The following MYCBP2 variants were observed in gnomAD, a reference collection of about 807,000 sequenced individuals.
MYCBP2 encodes the protein MYC binding protein 2.
Under a neutral mutation model 525.3 loss-of-function variants are expected in MYCBP2, and 120 were observed. The ratio of observed to expected loss-of-function variants is 0.23; its 90% CI spans 0.20 to 0.27. The LOEUF (loss-of-function observed/expected upper bound fraction) is 0.27. Among genes scored for constraint, MYCBP2 ranks in the 10% least tolerant of loss-of-function variants. The pLI is 1.00. For synonymous variants in MYCBP2, 1,894 were observed against 1,955.8 expected (o/e 0.97, Z 0.83); for missense variants, 4,149 against 5,657.1 (o/e 0.73, Z 8.55).
At chr13:77,190,195 T>C in intron 29 of MYCBP2, 57 bp downstream of exon 29, 4 of 1,145,396 alleles carry the variant, frequency 3.5e-6, no homozygotes, top group African/African-American at 1.5e-5. Flanking sequence ...GTAATGATTC[T>C]ACTTCATTAT....
In MYCBP2 at chr13:77,098,794, G is replaced by A; in HGVS notation, c.8360C>T (p.Ser2787Leu). The A allele has an allele frequency of 6.2e-7, 1 of 1,613,580 alleles. No individual in the cohort carries two copies. Among genetic ancestry groups the A allele is most frequent in the Admixed American group, 1.7e-5 (1 of 59,932 alleles). The change falls in exon 56 of 83, where the codon TCA (serine) becomes TTA (leucine). Residue 2787 changes from serine (S) to leucine (L), a missense_variant. Transcript: ENST00000544440. ...CAAGGTGTTATGGTTGGGGGATAATGACCTACTGTGGGAATCTGACCTCAA... is the reference window on the plus strand; with the variant it reads ...CAAGGTGTTATGGTTGGGGGATAATAACCTACTGTGGGAATCTGACCTCAA... ...AKLRSDSHSR[S>L]LSPNHNTLQT...
intron 15 of MYCBP2, among the ~76,000 whole-genome samples, chr13:77,245,873 T>TAC (rs201455771): frequency 0.021 from 3,180 of 150,932 alleles, 105 homozygotes; most frequent in African/African-American, 0.074. Context: ...CACATATATA[T>TAC]ACACACACAC....
chr13:77,100,980 C>G (rs903101383), intron 55 of MYCBP2, among the ~76,000 whole-genome samples: 6 of 152,012 alleles, frequency 3.9e-5, no homozygotes, highest in Admixed American at 6.6e-5. Context: ...ATCTTACTGA[C>G]CTAGTAACAG....
intron 35 of MYCBP2, 129 bp from the exon 36 acceptor site, chr13:77,176,757 C>G: frequency 1.3e-6 from 1 of 780,302 alleles, no homozygotes; most frequent in Non-Finnish European, 1.8e-6. Flanking sequence ...TAGTATTTTC[C>G]CATACATATG....
intron 36 of MYCBP2, 28 bp downstream of exon 36, chr13:77,176,469 C>A (rs1364701881): frequency 6.5e-7 from 1 of 1,541,274 alleles, no homozygotes; most frequent in Admixed American, 1.8e-5. Context: ...ACCTCTTATT[C>A]ACAATAGAAA....
rs539279436 is a variant in MYCBP2, at chr13:77,148,157, G to C, written c.7132-1940C>G. 2.0e-5 allele frequency among the ~76,000 whole-genome samples: 3 copies of C among 151,586 alleles called. No individual in the cohort carries two copies. In the East Asian group the frequency reaches 5.8e-4, roughly 29 times the overall value. ...AATAGTAGAAATAATTTTAAAATTTGATACTAAAATAGCCAAATGTGTAAG... is the reference window on the plus strand; with the variant it reads ...AATAGTAGAAATAATTTTAAAATTTCATACTAAAATAGCCAAATGTGTAAG... On this transcript the variant is annotated intron_variant, in intron 47 of 82. Transcript: ENST00000544440.
chr13:77,137,505 C>T (rs1289837294), intron 52 of MYCBP2, among the ~76,000 whole-genome samples: 1 of 152,118 alleles, frequency 6.6e-6, no homozygotes, highest in East Asian at 1.9e-4. Flanking sequence ...GTAATATGAG[C>T]ACTTTGTGAG....
Position 77,067,666 on chromosome 13 carries a change from T to C in MYCBP2, c.12370A>G (p.Lys4124Glu). Reference sequence around the variant, plus strand: ...GCTGTTCCAGTGATGGTGGTTCCTTTGGCTTTTAGCTGTACAGTGAGTGCT... The same window carrying C: ...GCTGTTCCAGTGATGGTGGTTCCTTCGGCTTTTAGCTGTACAGTGAGTGCT... The part of the protein sequence containing the change: ...AKALTVQLKA[K>E]GTTITGTAGT... Residue 4124 changes from lysine to glutamate, a missense_variant, in exon 71 of 83, where the codon AAA becomes GAA. By Grantham distance (56) the Lys-to-Glu change is moderately conservative. Transcript: ENST00000544440. 1 of 1,614,226 alleles carries C rather than the reference T, an allele frequency of 6.2e-7. No individual in the cohort carries two copies.
chr13:77,185,508 T>TA (rs2060637366), intron 31 of MYCBP2, 131 bp from the exon 32 acceptor site: 3 of 1,025,850 alleles, frequency 2.9e-6, no homozygotes, highest in Admixed American at 2.8e-5. Context: ...TGAAACAACT[T>TA]AGAGATTAAG....
chr13:77,059,117 T>TAAGTG (rs139939362), intron 77 of MYCBP2, among the ~76,000 whole-genome samples: 4,475 of 152,140 alleles, frequency 0.029, 88 homozygotes, highest in Middle Eastern at 0.072. Flanking sequence ...ACATTCTTAT[T>TAAGTG]AATTGAGAAA....
intron 52 of MYCBP2, among the ~76,000 whole-genome samples, chr13:77,127,072 T>C (rs998814714): frequency 3.3e-5 from 5 of 152,058 alleles, no homozygotes; most frequent in Admixed American, 2.6e-4. Context: ...AAAATATAGC[T>C]ATATCTTGCT....
chr13:77,128,675 C>T (rs2052154437), intron 52 of MYCBP2, among the ~76,000 whole-genome samples: 1 of 151,894 alleles, frequency 6.6e-6, no homozygotes, highest in Admixed American at 6.6e-5. Flanking sequence ...GCCTATCATG[C>T]TCAAGCAATA....
intron 59 of MYCBP2, among the ~76,000 whole-genome samples, chr13:77,091,725 C>CT (rs1257591798): frequency 2.5e-3 from 378 of 148,612 alleles, no homozygotes; most frequent in Non-Finnish European, 3.3e-3. Flanking sequence ...TATTCATCAA[C>CT]TTTTTTTTTT....
intron 1 of MYCBP2, among the ~76,000 whole-genome samples, chr13:77,308,912 T>A (rs1026644626): frequency 3.9e-5 from 6 of 152,192 alleles, no homozygotes; most frequent in African/African-American, 4.8e-5. Flanking sequence ...TGGAAAGTTT[T>A]TCTGAAGGCA....
At position 77,045,357 on chromosome 13, in the gene MYCBP2, T is replaced by C. The variant is rs1281712342; in HGVS notation, c.*21A>G. 1.9e-6 allele frequency: 3 copies of C among 1,581,458 alleles called. No homozygotes were observed. The highest frequency in any genetic ancestry group is 2.2e-5 in the South Asian group (2 of 89,794). On this transcript the variant is annotated 3_prime_UTR_variant, in exon 83 of 83. Transcript: ENST00000544440. ...GGGATGAAGGCAATTTTTCTCTCTGTAGACAAAGGATCTGCGTGTTCTAAA... is the reference window on the plus strand; with the variant it reads ...GGGATGAAGGCAATTTTTCTCTCTGCAGACAAAGGATCTGCGTGTTCTAAA...
At chr13:77,071,986 T>C (rs917290957) in intron 68 of MYCBP2, among the ~76,000 whole-genome samples, 5 of 151,686 alleles carry the variant, frequency 3.3e-5, no homozygotes, top group African/African-American at 1.2e-4. Context: ...TACCCAAGGG[T>C]CAAAGAAGAA....
intron 68 of MYCBP2, among the ~76,000 whole-genome samples, chr13:77,072,443 T>C (rs1484083855): frequency 1.3e-5 from 2 of 152,012 alleles, no homozygotes; most frequent in South Asian, 2.1e-4. Flanking sequence ...CATTAAATAC[T>C]TAGATGAGAA....
chr13:77,154,627 A>G (rs374781457), intron 46 of MYCBP2, among the ~76,000 whole-genome samples: 30 of 152,246 alleles, frequency 2.0e-4, no homozygotes, highest in African/African-American at 6.5e-4. Flanking sequence ...GAATGTTGTC[A>G]CATGAATAAA....
At position 77,308,264 on chromosome 13, in the gene MYCBP2, T is replaced by C. The variant is rs563764442; in HGVS notation, c.303-11590A>G. On this transcript the variant is annotated intron_variant, in intron 1 of 82. Transcript: ENST00000544440. ...ATTACAAATGTACTCCCTTTGCTTT[T>C]CTTCCACCCACCTTGAAATGATCTC... Among the ~76,000 whole-genome samples the C allele has an allele frequency of 4.6e-5, 7 of 152,330 alleles. No homozygotes were observed. In the South Asian group the frequency reaches 1.4e-3, roughly 32 times the overall value.
Sources: gnomAD v4.1 joint callset for allele counts (sites outside exome capture counted in the v4.1 genomes callset) on GRCh38, gnomAD v4.1.1 for gene constraint, MANE v1.5 for transcripts, NCBI Gene and HGNC (gene_info 2026-07-23, HGNC 2026-07-21) for gene names.